Variants in LOXL2 observed in about 807,000 individuals in gnomAD.
LOXL2 encodes the protein lysyl oxidase homolog 2.
Under a neutral mutation model 93.0 loss-of-function variants are expected in LOXL2, and 70 were observed. That is an observed-to-expected ratio of 0.75 (90% CI 0.62 to 0.92). The LOEUF is 0.92. Ranked by LOEUF, LOXL2 falls within the 40% of genes least tolerant of loss-of-function variation. The probability of loss-of-function intolerance (pLI) is 0.00; values close to 1 mark genes in which losing one functional copy is unlikely to be tolerated. For missense variants in LOXL2, 973 were observed against 1,054.9 expected (o/e 0.92, Z 1.08); for synonymous variants, 438 against 413.2 (o/e 1.06, Z -0.73).
Position 23,298,931 on chromosome 8 carries a change from T to A in LOXL2, c.2150A>T (p.Asn717Ile). ...GTAATCGGATTCTGCAACCTCGAAG[T>A]TGGGGTTAATAACAACCTAGGGAGA... ...DYLFQVVINP[N>I]FEVAESDYSN... is the part of the protein sequence containing the mutation. The change falls in exon 13 of 14, where the codon AAC becomes ATC. Residue 717 changes from asparagine to isoleucine, a missense_variant. By Grantham distance (149) the Asn-to-Ile change is moderately radical. Coordinates refer to ENST00000389131, the MANE Select transcript of LOXL2 (RefSeq NM_002318.3). 1 of 1,611,610 alleles carries A rather than the reference T, an allele frequency of 6.2e-7. No homozygotes were observed. The highest frequency in any genetic ancestry group is 1.1e-5 in the South Asian group (1 of 91,032).
intron 3 of LOXL2, among the ~76,000 whole-genome samples, chr8:23,353,558 C>T (rs748213764): frequency 1.6e-4 from 25 of 151,898 alleles, no homozygotes; most frequent in Non-Finnish European, 2.8e-4. Flanking sequence ...TTCTGGAGTC[C>T]GAAACTGAGA....
intron 2 of LOXL2, chr8:23,365,328 T>C (rs1804380812): frequency 6.6e-6 from 1 of 152,248 alleles, no homozygotes. Flanking sequence ...CTTTTTCCTA[T>C]TCTGCCAAAT....
At position 23,333,605 on chromosome 8, in the gene LOXL2, C is replaced by A. The variant is rs150053996; in HGVS notation, c.762G>T (p.Arg254Ser). The A allele has an allele frequency of 6.2e-7, 1 of 1,613,274 alleles. No individual in the cohort carries two copies. Among genetic ancestry groups the A allele is most frequent in the Non-Finnish European group, 8.5e-7 (1 of 1,179,712 alleles). Residue 254 changes from arginine to serine, a missense_variant, in exon 5 of 14, where the codon AGG becomes AGT. By Grantham distance (110) the Arg-to-Ser change is moderately radical. Coordinates refer to ENST00000389131, the MANE Select transcript of LOXL2 (RefSeq NM_002318.3). ...TGGAGAATGGCCAGTAGCGCTGCTT[C>A]CTCCGTGAGGCAAACATTCTGCAGA... Reference protein sequence around the residue: ...TKVYKMFASRRKQRYWPFSMD... With the variant: ...TKVYKMFASRSKQRYWPFSMD...
In LOXL2 at chr8:23,402,210, C is replaced by T. The variant is rs118072396; in HGVS notation, c.-84+1744G>A. On this transcript the variant is annotated intron_variant, in intron 1 of 13. Transcript: ENST00000389131. The stretch of plus-strand genomic sequence containing the variant: ...GTGCCCGCGCACACACACCTGTGTG[C>T]GCATATAAACACACACCGGTGCACA... Among the ~76,000 whole-genome samples, 192 of 151,284 alleles carry T rather than the reference C, an allele frequency of 1.3e-3. 1 individual carries two copies. In the East Asian group the frequency reaches 0.032, roughly 26 times the overall value.
chr8:23,297,398 T>C lies in LOXL2; in HGVS notation c.*645A>G, dbSNP rs1315521267. On this transcript the variant is annotated 3_prime_UTR_variant, in exon 14 of 14. Transcript: ENST00000389131. Reference sequence around the variant, plus strand: ...AAGGGCCCAGATGTCCAATATTAAATGCCAATAAATTTGTGCTTCAAAAGT... The same window carrying C: ...AAGGGCCCAGATGTCCAATATTAAACGCCAATAAATTTGTGCTTCAAAAGT... 1 of 152,220 alleles carries C rather than the reference T, an allele frequency of 6.6e-6. No individual in the cohort carries two copies. The highest frequency in any genetic ancestry group is 2.4e-5 in the African/African-American group (1 of 41,424). 9.4% of individuals were successfully genotyped at this position (152,220 alleles called of 1,614,324 possible).
chr8:23,366,331 G>A (rs1804400358), intron 2 of LOXL2, among the ~76,000 whole-genome samples: 1 of 152,234 alleles, frequency 6.6e-6, no homozygotes, highest in Non-Finnish European at 1.5e-5. Context: ...TCATCGCCCA[G>A]AGCAAGCTGC....
chr8:23,374,223 G>C (rs1480600158), intron 1 of LOXL2, among the ~76,000 whole-genome samples: 1 of 151,526 alleles, frequency 6.6e-6, no homozygotes, highest in African/African-American at 2.4e-5. Context: ...TCTTGCAATA[G>C]TTTGCTGAGA....
chr8:23,398,995 G>A (rs527907744), intron 1 of LOXL2, among the ~76,000 whole-genome samples: 86 of 152,342 alleles, frequency 5.6e-4, no homozygotes, highest in African/African-American at 1.7e-3. Flanking sequence ...GAATTACTCA[G>A]GTGAGAGATT....
At chr8:23,329,658 G>A (rs965884460) in intron 5 of LOXL2, among the ~76,000 whole-genome samples, 22 of 152,258 alleles carry the variant, frequency 1.4e-4, no homozygotes, top group African/African-American at 5.1e-4. Context: ...CAACTCCACA[G>A]AGGGAGTGAG....
At chr8:23,346,196 A>G (rs1803981205) in intron 3 of LOXL2, among the ~76,000 whole-genome samples, 3 of 118,430 alleles carry the variant, frequency 2.5e-5, no homozygotes, top group African/African-American at 1.1e-4. Context: ...AAAATAAAAT[A>G]AAATAAAATA....
Position 23,333,520 on chromosome 8 carries a change from G to A in LOXL2, c.847C>T (p.Leu283=), listed in dbSNP as rs765707870. The A allele has an allele frequency of 3.8e-5, 61 of 1,613,908 alleles. No homozygotes were observed. The highest frequency in any genetic ancestry group is 5.2e-5 in the Non-Finnish European group (61 of 1,180,052). The change falls in exon 5 of 14, where the codon CTG becomes TTG. Residue 283 remains leucine (L), a synonymous_variant. Transcript: ENST00000389131. The part of the protein sequence containing the change: ...SSCKLGPQVS[L]DPMKNVTCEN... ...CAGGTGACATTCTTCATGGGGTCCAGTGACACCTGGGGGCCCAGCTTGCAG... is the reference window on the plus strand; with the variant it reads ...CAGGTGACATTCTTCATGGGGTCCAATGACACCTGGGGGCCCAGCTTGCAG...
chr8:23,350,792 A>C (rs1009811626), intron 3 of LOXL2, among the ~76,000 whole-genome samples: 1 of 152,028 alleles, frequency 6.6e-6, no homozygotes, highest in African/African-American at 2.4e-5. Context: ...ACACTGCTGG[A>C]AAACTGAATG....
chr8:23,340,924 G>A (rs534164066), intron 4 of LOXL2, 68 bp downstream of exon 4: 276 of 1,396,106 alleles, frequency 2.0e-4, no homozygotes, highest in East Asian at 4.1e-4. Flanking sequence ...CCACCAGGGC[G>A]GACACTTTTA....
At chr8:23,376,927 G>T (rs2117222004) in intron 1 of LOXL2, among the ~76,000 whole-genome samples, 1 of 152,132 alleles carries the variant, frequency 6.6e-6, no homozygotes, top group Admixed American at 6.5e-5. Flanking sequence ...GGTTTTTTGT[G>T]TCTCTATCTC....
chr8:23,324,279 G>A (rs1441958584), intron 6 of LOXL2, among the ~76,000 whole-genome samples: 1 of 152,202 alleles, frequency 6.6e-6, no homozygotes. Flanking sequence ...CCTTGTGGCT[G>A]AACGTCTATG....
At chr8:23,343,030 T>A (rs1282457785) in intron 3 of LOXL2, among the ~76,000 whole-genome samples, 1 of 152,168 alleles carries the variant, frequency 6.6e-6, no homozygotes, top group Non-Finnish European at 1.5e-5. Flanking sequence ...GAATTACAGG[T>A]ATGAGGCACT....
intron 3 of LOXL2, among the ~76,000 whole-genome samples, chr8:23,357,309 A>T (rs1278048523): frequency 6.6e-6 from 1 of 152,090 alleles, no homozygotes; most frequent in Non-Finnish European, 1.5e-5. Flanking sequence ...ACCTCAGGTG[A>T]TCCACCCACC....
At chr8:23,310,317 C>T (rs527481374) in intron 9 of LOXL2, among the ~76,000 whole-genome samples, 12 of 152,316 alleles carry the variant, frequency 7.9e-5, no homozygotes, top group Non-Finnish European at 1.0e-4. Flanking sequence ...ACAACAATAA[C>T]GATGTGATTG....
chr8:23,307,974 G>A (rs866053932), intron 10 of LOXL2, among the ~76,000 whole-genome samples: 365 of 16,974 alleles, frequency 0.022, 1 homozygote, highest in South Asian at 0.042. Context: ...AAAAAAAAAA[G>A]CCAAAGATAG....
Sources: gnomAD v4.1 joint callset for allele counts (sites outside exome capture counted in the v4.1 genomes callset) on GRCh38, gnomAD v4.1.1 for gene constraint, MANE v1.5 for transcripts, NCBI Gene and HGNC (gene_info 2026-07-23, HGNC 2026-07-21) for gene names.